SORCS1: variants seen among roughly 807,000 people sequenced by gnomAD.
SORCS1 encodes VPS10 domain-containing receptor SorCS1.
A neutral mutation model predicts 146.1 loss-of-function variants in SORCS1; 60 were observed. The observed-to-expected ratio is 0.41, with a 90% CI of 0.33 to 0.51. The LOEUF (loss-of-function observed/expected upper bound fraction) is 0.51. Ranked by LOEUF, SORCS1 falls within the 20% of genes least tolerant of loss-of-function variation. The probability of loss-of-function intolerance (pLI) is 0.21; values close to 1 mark genes in which losing one functional copy is unlikely to be tolerated. For synonymous variants in SORCS1, 637 were observed against 584.0 expected (o/e 1.09, Z -1.31); for missense variants, 1,352 against 1,487.6 (o/e 0.91, Z 1.50).
chr10:107,130,708 C>A (rs898969040), intron 1 of SORCS1, among the ~76,000 whole-genome samples: 25 of 151,972 alleles, frequency 1.6e-4, no homozygotes, highest in African/African-American at 6.0e-4. Context: ...GGACTCTGGA[C>A]CCCAGAGCTC....
At position 106,678,643 on chromosome 10, in the gene SORCS1, C is replaced by T. The variant is rs552604788; in HGVS notation, c.1740+613G>A. 4.3e-4 allele frequency among the ~76,000 whole-genome samples: 66 copies of T among 152,214 alleles called. No individual in the cohort carries two copies. The South Asian group carries it at 0.013, about 31-fold the overall frequency. ...TAAGATTGCTAAACCTCATTAAATGCCTGTTTTGTAAGCTATGGGTATCTA... is the reference window on the plus strand; with the variant it reads ...TAAGATTGCTAAACCTCATTAAATGTCTGTTTTGTAAGCTATGGGTATCTA... On this transcript the variant is annotated intron_variant, in intron 12 of 25. Coordinates refer to ENST00000263054, the MANE Select transcript of SORCS1 (RefSeq NM_052918.5).
At chr10:106,714,073 T>C (rs1242957449) in intron 6 of SORCS1, among the ~76,000 whole-genome samples, 2 of 127,866 alleles carry the variant, frequency 1.6e-5, no homozygotes, top group African/African-American at 6.0e-5. Context: ...GAGGTGGAGA[T>C]TGCAGTAAGC....
intron 1 of SORCS1, among the ~76,000 whole-genome samples, chr10:107,114,874 C>G (rs554759546): frequency 3.9e-5 from 6 of 152,094 alleles, no homozygotes; most frequent in African/African-American, 1.2e-4. Flanking sequence ...TACCAAAAAC[C>G]TGTCAGAACT....
At chr10:107,001,110 C>T (rs1589894494) in intron 1 of SORCS1, among the ~76,000 whole-genome samples, 1 of 152,160 alleles carries the variant, frequency 6.6e-6, no homozygotes, top group South Asian at 2.1e-4. Context: ...TAAATTGAAT[C>T]CCAAAATGAA....
chr10:106,908,365 G>A (rs143825783), intron 2 of SORCS1, among the ~76,000 whole-genome samples: 195 of 152,232 alleles, frequency 1.3e-3, no homozygotes, highest in African/African-American at 4.1e-3. Flanking sequence ...ACACCATTAC[G>A]TAGAATATAG....
At chr10:106,928,706 C>T (rs1237371306) in intron 2 of SORCS1, among the ~76,000 whole-genome samples, 2 of 152,172 alleles carry the variant, frequency 1.3e-5, no homozygotes, top group African/African-American at 4.8e-5. Context: ...CCTCACATCT[C>T]ACATAGACTA....
chr10:107,038,447 G>A lies in SORCS1; in HGVS notation c.559-81867C>T, dbSNP rs538768460. Among the ~76,000 whole-genome samples the A allele has an allele frequency of 3.0e-4, 46 of 151,842 alleles. No homozygotes were observed. In the East Asian group the frequency reaches 4.1e-3, roughly 14 times the overall value. On this transcript the variant is annotated intron_variant, in intron 1 of 25. Transcript: ENST00000263054. The stretch of plus-strand genomic sequence containing the variant: ...GGAGATATACCTAATGCTAAATGAC[G>A]AGTTAATGGGTGCAGCACACCAACA...
intron 2 of SORCS1, among the ~76,000 whole-genome samples, chr10:106,918,614 GGGGGAGAAAGGGAGAGAGT>G (rs1952559291): frequency 6.6e-6 from 1 of 152,064 alleles, no homozygotes; most frequent in Non-Finnish European, 1.5e-5. Flanking sequence ...GAGGGAGAAA[GGGGGAGAAAGGGAGAGAGT>G]GGGGCAGGGA....
intron 18 of SORCS1, among the ~76,000 whole-genome samples, chr10:106,639,763 T>C (rs1335062578): frequency 6.6e-6 from 1 of 152,130 alleles, no homozygotes; most frequent in African/African-American, 2.4e-5. Context: ...GGCATCTACG[T>C]CAGAACTAAG....
chr10:106,977,806 C>T (rs182270013), intron 1 of SORCS1, among the ~76,000 whole-genome samples: 66 of 152,192 alleles, frequency 4.3e-4, no homozygotes, highest in Non-Finnish European at 6.2e-4. Context: ...ACACATAGTA[C>T]GGCTTCGATA....
intron 18 of SORCS1, among the ~76,000 whole-genome samples, chr10:106,648,512 C>T (rs1196301231): frequency 6.6e-6 from 1 of 152,196 alleles, no homozygotes; most frequent in Non-Finnish European, 1.5e-5. Flanking sequence ...CATTCTTGGT[C>T]TGCACAGTTA....
chr10:106,675,737 G>GC (rs1196636299), intron 13 of SORCS1, among the ~76,000 whole-genome samples: 1 of 152,142 alleles, frequency 6.6e-6, no homozygotes, highest in East Asian at 1.9e-4. Flanking sequence ...TTCAAATGTT[G>GC]AATATCTAAT....
chr10:107,058,395 C>T (rs1960856942), intron 1 of SORCS1, among the ~76,000 whole-genome samples: 2 of 152,188 alleles, frequency 1.3e-5, no homozygotes, highest in South Asian at 2.1e-4. Context: ...GGTTAATACA[C>T]ATTCTGGCTA....
intron 3 of SORCS1, among the ~76,000 whole-genome samples, chr10:106,781,572 T>C (rs2152678): frequency 0.047 from 7,118 of 152,286 alleles, 269 homozygotes; most frequent in East Asian, 0.11. Flanking sequence ...CTACCCACTT[T>C]ATTCAAACAG....
chr10:106,973,054 G>A (rs966159475), intron 1 of SORCS1, among the ~76,000 whole-genome samples: 2 of 152,122 alleles, frequency 1.3e-5, no homozygotes, highest in East Asian at 1.9e-4. Flanking sequence ...GATTCCACGG[G>A]CAGAGAGCAC....
At chr10:107,065,510 C>CTCTT (rs56776512) in intron 1 of SORCS1, among the ~76,000 whole-genome samples, 6,289 of 85,846 alleles carry the variant, frequency 0.073, 665 homozygotes, top group Middle Eastern at 0.21. Flanking sequence ...CTCCTCTCCT[C>CTCTT]TCTTTCTTTC....
At chr10:107,061,831 A>T (rs1961259978) in intron 1 of SORCS1, among the ~76,000 whole-genome samples, 1 of 152,192 alleles carries the variant, frequency 6.6e-6, no homozygotes, top group Admixed American at 6.5e-5. Flanking sequence ...AAAACTGCAA[A>T]TATGCTGATT....
intron 5 of SORCS1, among the ~76,000 whole-genome samples, chr10:106,745,861 G>T: frequency 6.6e-6 from 1 of 152,168 alleles, no homozygotes; most frequent in South Asian, 2.1e-4. Flanking sequence ...AACATCATCA[G>T]TAATAAGACA....
chr10:106,961,805 G>C (rs977763843), intron 1 of SORCS1, among the ~76,000 whole-genome samples: 1 of 152,194 alleles, frequency 6.6e-6, no homozygotes, highest in Non-Finnish European at 1.5e-5. Context: ...TAATTTGCAA[G>C]TTATTAAAAG....
Sources: gnomAD v4.1 joint callset for allele counts (sites outside exome capture counted in the v4.1 genomes callset) on GRCh38, gnomAD v4.1.1 for gene constraint, MANE v1.5 for transcripts, NCBI Gene and HGNC (gene_info 2026-07-23, HGNC 2026-07-21) for gene names.